Variants in AKAP17A observed in about 807,000 individuals in gnomAD.
AKAP17A encodes A-kinase anchor protein 17A.
Under a neutral mutation model 52.2 loss-of-function variants are expected in AKAP17A, and 15 were observed. The observed-to-expected ratio is 0.29, with a 90% CI of 0.19 to 0.44. The LOEUF (loss-of-function observed/expected upper bound fraction) is 0.44. Ranked by LOEUF, AKAP17A falls within the 20% of genes least tolerant of loss-of-function variation. The pLI is 1.00. For synonymous variants in AKAP17A, 514 were observed against 424.7 expected, an observed-to-expected ratio of 1.21 and a Z score of -2.58; for missense variants, 1,060 against 1,007.0, an observed-to-expected ratio of 1.05 and a Z score of -0.71.
chrX:1,594,241 G>C lies in AKAP17A; in HGVS notation c.762+17G>C. Reference sequence around the variant, plus strand: ...AACATCAAGGTGAGTCCTGGGCACCGAGAGAGCCACGCGCTTCCTCCCTCT... The same window carrying C: ...AACATCAAGGTGAGTCCTGGGCACCCAGAGAGCCACGCGCTTCCTCCCTCT... On this transcript the variant is annotated intron_variant, in intron 2 of 4. Coordinates refer to ENST00000313871, the MANE Select transcript of AKAP17A (RefSeq NM_005088.3). The C allele has an allele frequency of 6.6e-7, 1 of 1,507,258 alleles. No homozygotes were observed. The highest frequency in any genetic ancestry group is 8.9e-7 in the Non-Finnish European group (1 of 1,129,394). 93.4% of individuals were successfully genotyped at this position (1,507,258 alleles called of 1,614,324 possible).
chrX:1,598,260 G>C (rs1933126410), intron 3 of AKAP17A, among the ~76,000 whole-genome samples: 1 of 152,184 alleles, frequency 6.6e-6, no homozygotes, highest in Admixed American at 6.5e-5. Context: ...GCCCCGCCCG[G>C]AGACCGTGTG....
rs373581385 is a variant in AKAP17A, at chrX:1,601,191, C to T, written c.1685C>T (p.Ala562Val). The change falls in exon 5 of 5, where the codon GCC becomes GTC. Residue 562 changes from alanine to valine, a missense_variant. Around this residue, in one of 2 missense-constraint regions of AKAP17A, gnomAD observed 793 missense variants for 629.9 expected, o/e 1.26. Coordinates refer to ENST00000313871, the MANE Select transcript of AKAP17A (RefSeq NM_005088.3). ...AACCAACAGCCCAAGGGCATCCCTG[C>T]CTGCGAGCAGAATGTCTCCAGAAAG... Reference protein sequence around the residue: ...DNNQQPKGIPACEQNVSRKDT... With the variant: ...DNNQQPKGIPVCEQNVSRKDT... The T allele has an allele frequency of 1.2e-6, 2 of 1,613,912 alleles. No individual in the cohort carries two copies. The highest frequency in any genetic ancestry group is 1.7e-5 in the Admixed American group (1 of 60,016).
At chrX:1,596,053 C>G (rs1203719881) in intron 3 of AKAP17A, among the ~76,000 whole-genome samples, 2 of 152,028 alleles carry the variant, frequency 1.3e-5, no homozygotes, top group Admixed American at 6.6e-5. Context: ...CTGACACGAT[C>G]TCTGCCGGCT....
rs190684327 is a variant in AKAP17A, at chrX:1,601,730, C to T, written c.*136C>T. 8.7e-3 allele frequency: 6,793 copies of T among 778,812 alleles called. 60 individuals are homozygous for T. Among genetic ancestry groups the T allele is most frequent in the Middle Eastern group, 0.019 (48 of 2,474 alleles). 48.2% of individuals were successfully genotyped at this position (778,812 alleles called of 1,614,324 possible). A position where few individuals can be genotyped will look rare whatever the true frequency, so the allele number is the denominator to read the frequency against. Reference sequence around the variant, plus strand: ...TGCAGCCACGAATGTCCACGGAGCCCGCCGGCAGGAAGGAAGACACCATGC... The same window carrying T: ...TGCAGCCACGAATGTCCACGGAGCCTGCCGGCAGGAAGGAAGACACCATGC... On this transcript the variant is annotated 3_prime_UTR_variant, in exon 5 of 5. Transcript: ENST00000313871.
In AKAP17A at chrX:1,601,981, G is replaced by A. The variant is rs1454976787; in HGVS notation, c.*387G>A. The A allele has an allele frequency of 2.8e-5, 6 of 212,036 alleles. No homozygotes were observed. In the South Asian group the frequency reaches 5.5e-4, roughly 20 times the overall value. 13.1% of individuals were successfully genotyped at this position (212,036 alleles called of 1,614,324 possible). ...TCCCTGCGTGCACGGCCTAGGAGGT[G>A]CACGGGCCACCATAGTCACACTGGC... On this transcript the variant is annotated 3_prime_UTR_variant, in exon 5 of 5. Coordinates refer to ENST00000313871, the MANE Select transcript of AKAP17A (RefSeq NM_005088.3).
At chrX:1,595,280 C>G in intron 2 of AKAP17A, 104 bp from the exon 3 acceptor site, 1 of 1,512,394 alleles carries the variant, frequency 6.6e-7, no homozygotes, top group Non-Finnish European at 9.0e-7. Context: ...AGCGGGCGCT[C>G]AGGCTCTGAG....
In AKAP17A at chrX:1,595,549, C is replaced by T. The variant is rs375903422; in HGVS notation, c.911+17C>T. 117 of 1,613,064 alleles carry T rather than the reference C, an allele frequency of 7.3e-5. No homozygotes were observed. The highest frequency in any genetic ancestry group is 8.8e-5 in the Non-Finnish European group (104 of 1,179,736). ...GGAGGAAAGGTACCTTCTGCGGGAG[C>T]GGGCCCTCGGCGCTGGTGTCCGGCA... is the stretch of plus-strand genomic sequence containing the variant. On this transcript the variant is annotated intron_variant, in intron 3 of 4. Transcript: ENST00000313871.
In AKAP17A at chrX:1,601,149, C is replaced by T. The variant is rs766946463; in HGVS notation, c.1643C>T (p.Ser548Phe). 13 of 1,613,704 alleles carry T rather than the reference C, an allele frequency of 8.1e-6. No homozygotes were observed. The highest frequency in any genetic ancestry group is 8.0e-5 in the African/African-American group (6 of 74,926). Reference protein sequence around the residue: ...PEKRCPGGVLSCIPDNNQQPK... With the variant: ...PEKRCPGGVLFCIPDNNQQPK... ...AAGAGGTGCCCGGGCGGCGTCCTCTCCTGCATTCCTGACAACAACCAACAG... is the reference window on the plus strand; with the variant it reads ...AAGAGGTGCCCGGGCGGCGTCCTCTTCTGCATTCCTGACAACAACCAACAG... The change falls in exon 5 of 5, where the codon TCC becomes TTC. Residue 548 changes from serine (S) to phenylalanine (F), a missense_variant. Ser to Phe is a radical substitution (Grantham distance 155, BLOSUM62 -2). This residue lies in a region of AKAP17A where 793 missense variants were observed against 629.9 expected (regional missense o/e 1.26). Transcript: ENST00000313871.
In AKAP17A at chrX:1,595,472, A is replaced by G. The variant is rs776655536; in HGVS notation, c.851A>G (p.Gln284Arg). 6.2e-7 allele frequency: 1 copy of G among 1,614,030 alleles called. No homozygotes were observed. The highest frequency in any genetic ancestry group is 8.5e-7 in the Non-Finnish European group (1 of 1,179,878). The change falls in exon 3 of 5, where the codon CAA becomes CGA. Residue 284 changes from glutamine to arginine, a missense_variant. Gln to Arg is a conservative substitution (Grantham distance 43). Coordinates refer to ENST00000313871, the MANE Select transcript of AKAP17A (RefSeq NM_005088.3). Reference protein sequence around the residue: ...ERQKLQELEQQREEQKRREKE... With the variant: ...ERQKLQELEQRREEQKRREKE... The stretch of plus-strand genomic sequence containing the variant: ...CAGAAGCTTCAGGAACTGGAGCAGC[A>G]AAGAGAAGAACAAAAGCGCAGAGAG...
In AKAP17A at chrX:1,599,576, G is replaced by A. The variant is rs777526649; in HGVS notation, c.1152+144G>A. The A allele has an allele frequency of 6.6e-5, 77 of 1,157,960 alleles. No individual in the cohort carries two copies. In the South Asian group the frequency reaches 7.4e-4, roughly 11 times the overall value. The allele number at this position is 1,157,960 out of a possible 1,614,324, so 71.7% of individuals were successfully genotyped here. A position where few individuals can be genotyped will look rare whatever the true frequency, so the allele number is the denominator to read the frequency against. ...AACCAGCTTTAATGCCGAGGATGAC[G>A]GCTCCTTCCCGGGAGGGTGTAGCGC... On this transcript the variant is annotated intron_variant, in intron 4 of 4. Transcript: ENST00000313871.
chrX:1,602,424 AC>A lies in AKAP17A; in HGVS notation c.*832del, dbSNP rs1175189979. ...GCTTCTCCAAGTGAAGCTCAGAAAT[AC>A]CTAAAAATAGCTGTAACGTTCGCGT... On this transcript the variant is annotated 3_prime_UTR_variant, in exon 5 of 5. Transcript: ENST00000313871. 1.3e-5 allele frequency: 2 copies of A among 152,210 alleles called. No homozygotes were observed. Among genetic ancestry groups the A allele is most frequent in the African/African-American group, 2.4e-5 (1 of 41,450 alleles). 9.4% of individuals were successfully genotyped at this position (152,210 alleles called of 1,614,324 possible).
Position 1,600,851 on chromosome X carries a change from G to A in AKAP17A, c.1345G>A (p.Asp449Asn), listed in dbSNP as rs758610599. ...CATCCTGCTGAGCAAGAAGCCGGAC[G>A]ACAGCCACACACACGACGAGCTGGG... ...LSILLSKKPD[D>N]SHTHDELGVA... The change falls in exon 5 of 5, where the codon GAC becomes AAC. Residue 449 changes from aspartate (D) to asparagine (N), a missense_variant. By Grantham distance (23) the Asp-to-Asn change is conservative. Around this residue, in one of 2 missense-constraint regions of AKAP17A, gnomAD observed 793 missense variants for 629.9 expected, o/e 1.26. Transcript: ENST00000313871. 16 of 1,591,050 alleles carry A rather than the reference G, an allele frequency of 1.0e-5. No homozygotes were observed. The highest frequency in any genetic ancestry group is 6.8e-5 in the East Asian group (3 of 44,176).
chrX:1,598,501 C>T lies in AKAP17A; in HGVS notation c.912-691C>T, dbSNP rs1933147863. Among the ~76,000 whole-genome samples, 4 of 152,122 alleles carry T rather than the reference C, an allele frequency of 2.6e-5. No homozygotes were observed. In the South Asian group the frequency reaches 8.3e-4, roughly 31 times the overall value. ...GTGTCGTGTTCCATAGGAACAGCTGCGACTTGTTCCCATGTCCGGTGTTGG... is the reference window on the plus strand; with the variant it reads ...GTGTCGTGTTCCATAGGAACAGCTGTGACTTGTTCCCATGTCCGGTGTTGG... On this transcript the variant is annotated intron_variant, in intron 3 of 4. Transcript: ENST00000313871.
rs1273092815 is a variant in AKAP17A at position 1,602,280 on chromosome X, C to G, written c.*686C>G. 5.9e-5 allele frequency: 9 copies of G among 152,024 alleles called. No individual in the cohort carries two copies. Among genetic ancestry groups the G allele is most frequent in the African/African-American group, 1.7e-4 (7 of 41,374 alleles). 9.4% of individuals were successfully genotyped at this position (152,024 alleles called of 1,614,324 possible). On this transcript the variant is annotated 3_prime_UTR_variant, in exon 5 of 5. Transcript: ENST00000313871. Reference sequence around the variant, plus strand: ...AAGCATAAAAAAGATTGGTTAAAAGCTTTGGTTTCTAGTAAAGGTTAGTGT... The same window carrying G: ...AAGCATAAAAAAGATTGGTTAAAAGGTTTGGTTTCTAGTAAAGGTTAGTGT...
At chrX:1,597,543 A>C (rs1415839623) in intron 3 of AKAP17A, among the ~76,000 whole-genome samples, 2 of 151,984 alleles carry the variant, frequency 1.3e-5, no homozygotes, top group Non-Finnish European at 2.9e-5. Context: ...GGTGGGAGAC[A>C]GTCCTGGGGC....
chrX:1,599,387 C>G lies in AKAP17A; in HGVS notation c.1107C>G (p.Asn369Lys), dbSNP rs1174149910. 6.3e-7 allele frequency: 1 copy of G among 1,579,580 alleles called. No individual in the cohort carries two copies. The highest frequency in any genetic ancestry group is 1.3e-5 in the African/African-American group (1 of 74,332). ...EERKLLLAQRNLQSIRLIAEL... is the reference protein window; with the variant it reads ...EERKLLLAQRKLQSIRLIAEL... ...GCAAGCTGCTGCTGGCCCAGAGGAA[C>G]CTGCAGTCCATCCGGCTCATCGCCG... Residue 369 changes from asparagine to lysine, a missense_variant, in exon 4 of 5, where the codon AAC becomes AAG. Asn to Lys is a moderately conservative substitution (Grantham distance 94). Coordinates refer to ENST00000313871, the MANE Select transcript of AKAP17A (RefSeq NM_005088.3).
chrX:1,601,458 G>A lies in AKAP17A; in HGVS notation c.1952G>A (p.Ser651Asn). The change falls in exon 5 of 5, where the codon AGC (serine) becomes AAC (asparagine). Residue 651 changes from serine to asparagine, a missense_variant. Physicochemically the swap from Ser to Asn is conservative, Grantham distance 46. Coordinates refer to ENST00000313871, the MANE Select transcript of AKAP17A (RefSeq NM_005088.3). ...CACACCCGGTCCCGGAGGTCCCACAGCAAAGACAGGCACCGGAGGGAGCGG... is the reference window on the plus strand; with the variant it reads ...CACACCCGGTCCCGGAGGTCCCACAACAAAGACAGGCACCGGAGGGAGCGG... ...PDHTRSRRSH[S>N]KDRHRRERSR... 6.4e-7 allele frequency: 1 copy of A among 1,573,468 alleles called. No homozygotes were observed. Among genetic ancestry groups the A allele is most frequent in the South Asian group, 1.1e-5 (1 of 89,074 alleles).
chrX:1,600,340 G>A (rs748202275), intron 4 of AKAP17A: 3 of 689,588 alleles, frequency 4.4e-6, no homozygotes, highest in Non-Finnish European at 7.1e-6. Context: ...GCGCCTGTGT[G>A]CAACGTGGTG....
In AKAP17A at chrX:1,599,284, G is replaced by A. The variant is rs752789049; in HGVS notation, c.1004G>A (p.Arg335His). ...CAGAAGCAGAGGGACCGTGAGCTGC[G>A]CCGGAATCAGAAGAAGCTGGAGAAG... Reference protein sequence around the residue: ...REQKQRDRELRRNQKKLEKLQ... With the variant: ...REQKQRDRELHRNQKKLEKLQ... The change falls in exon 4 of 5, where the codon CGC (arginine) becomes CAC (histidine). Residue 335 changes from arginine to histidine, a missense_variant. By Grantham distance (29) the Arg-to-His change is conservative (BLOSUM62 0). This residue lies in a region of AKAP17A where 793 missense variants were observed against 629.9 expected (regional missense o/e 1.26). Coordinates refer to ENST00000313871, the MANE Select transcript of AKAP17A (RefSeq NM_005088.3). The A allele has an allele frequency of 8.9e-5, 143 of 1,611,578 alleles. No homozygotes were observed. Among genetic ancestry groups the A allele is most frequent in the Middle Eastern group, 2.0e-4 (1 of 5,060 alleles).
Sources: gnomAD v4.1 joint callset for allele counts (sites outside exome capture counted in the v4.1 genomes callset) on GRCh38, gnomAD v4.1.1 for gene constraint, gnomAD v4.1.1 regional missense constraint, MANE v1.5 for transcripts, NCBI Gene and HGNC (gene_info 2026-07-23, HGNC 2026-07-21) for gene names.